CILK1: variants seen among roughly 807,000 people sequenced by gnomAD.
CILK1 encodes ciliogenesis associated kinase 1.
A neutral mutation model predicts 79.2 loss-of-function variants in CILK1; 47 were observed. That is an observed-to-expected ratio of 0.59 (90% confidence interval 0.47 to 0.76). CILK1 has a LOEUF of 0.76. CILK1 is among the 30% of genes least tolerant of loss of function. The pLI is 0.00. For synonymous variants in CILK1, 266 were observed against 275.9 expected (o/e 0.96, Z 0.36); for missense variants, 660 against 769.5 (o/e 0.86, Z 1.68).
intron 5 of CILK1, among the ~76,000 whole-genome samples, chr6:53,024,196 A>G (rs150870881): frequency 3.3e-5 from 5 of 152,342 alleles, no homozygotes; most frequent in Non-Finnish European, 7.3e-5. Flanking sequence ...TACACACCTA[A>G]TGGCCTTCCT....
chr6:53,030,990 T>G (rs781704186), intron 5 of CILK1, 75 bp downstream of exon 5: 15 of 1,041,506 alleles, frequency 1.4e-5, no homozygotes, highest in Non-Finnish European at 2.1e-5. Flanking sequence ...CAAAAAATAT[T>G]AATGTTTCCT....
In CILK1 at chr6:53,052,910, C is replaced by T. The variant is rs555696887; in HGVS notation, c.-173+8686G>A. ...CGTGTGCTCTGCAGCTCACCACAGT[C>T]CCCATTTTTTGCCTGTTGCCACTTG... On this transcript the variant is annotated intron_variant, in intron 1 of 13. Coordinates refer to ENST00000676107, the MANE Select transcript of CILK1 (RefSeq NM_014920.5). Among the ~76,000 whole-genome samples the T allele has an allele frequency of 3.3e-5, 5 of 151,852 alleles. No homozygotes were observed. The East Asian group carries it at 7.7e-4, about 23-fold the overall frequency.
chr6:53,009,842 G>C (rs1764459520), intron 11 of CILK1, among the ~76,000 whole-genome samples: 1 of 152,100 alleles, frequency 6.6e-6, no homozygotes, highest in Non-Finnish European at 1.5e-5. Context: ...CACTGCTGCT[G>C]GACATGCTGT....
At chr6:53,034,231 G>T (rs1766159184) in intron 3 of CILK1, among the ~76,000 whole-genome samples, 1 of 152,202 alleles carries the variant, frequency 6.6e-6, no homozygotes, top group African/African-American at 2.4e-5. Context: ...TCTAGGCAAG[G>T]AGTGGGGTGC....
At chr6:53,011,159 C>T (rs371203675) in intron 11 of CILK1, among the ~76,000 whole-genome samples, 2 of 152,176 alleles carry the variant, frequency 1.3e-5, no homozygotes, top group Non-Finnish European at 2.9e-5. Flanking sequence ...ACCCTGGTTT[C>T]CCTATTGGCC....
Position 53,016,204 on chromosome 6 carries a change from C to A in CILK1, c.710G>T (p.Arg237Leu), listed in dbSNP as rs200711667. 2 of 1,613,886 alleles carry A rather than the reference C, an allele frequency of 1.2e-6. No individual in the cohort carries two copies. Among genetic ancestry groups the A allele is most frequent in the African/African-American group, 1.3e-5 (1 of 74,890 alleles). ...GYQLSSAMNFRWPQCVPNNLK... is the reference protein window; with the variant it reads ...GYQLSSAMNFLWPQCVPNNLK... ...GTTATTGGGTACACACTGTGGCCAA[C>A]GGAAGTTCATTGCACTTGAAAGTTG... is the stretch of plus-strand genomic sequence containing the variant. Residue 237 changes from arginine (R) to leucine (L), a missense_variant, in exon 8 of 14, where the codon CGT becomes CTT. Coordinates refer to ENST00000676107, the MANE Select transcript of CILK1 (RefSeq NM_014920.5).
intron 5 of CILK1, among the ~76,000 whole-genome samples, chr6:53,022,344 T>C (rs1765298928): frequency 6.6e-6 from 1 of 152,182 alleles, no homozygotes; most frequent in Non-Finnish European, 1.5e-5. Flanking sequence ...AGGTGTACCA[T>C]TTTTAAAAAA....
intron 3 of CILK1, among the ~76,000 whole-genome samples, chr6:53,037,676 T>C (rs919528472): frequency 1.3e-5 from 2 of 152,166 alleles, no homozygotes; most frequent in African/African-American, 4.8e-5. Context: ...AAATAGGCAA[T>C]AATAATTCAC....
chr6:53,007,169 C>A (rs1764278837), intron 12 of CILK1, among the ~76,000 whole-genome samples: 1 of 152,090 alleles, frequency 6.6e-6, no homozygotes, highest in South Asian at 2.1e-4. Context: ...GTTATTATTG[C>A]CCGTTATAGA....
chr6:53,042,873 T>C (rs1284782662), intron 1 of CILK1, among the ~76,000 whole-genome samples: 1 of 152,200 alleles, frequency 6.6e-6, no homozygotes, highest in East Asian at 1.9e-4. Context: ...TTGTTAGTAG[T>C]ATTGTGCCAA....
intron 7 of CILK1, among the ~76,000 whole-genome samples, chr6:53,017,781 T>C (rs1228586517): frequency 6.6e-6 from 1 of 151,836 alleles, no homozygotes; most frequent in Non-Finnish European, 1.5e-5. Context: ...ACCGCTTAGA[T>C]GAAGGGAAAG....
In CILK1 at chr6:53,001,711, TG is replaced by T. The variant is rs1354377667; in HGVS notation, c.*3437del. ...TATATAACAGTACAGTACATTTGTT[TG>T]GAAATCGTAAAAATAATTCTACAAA... On this transcript the variant is annotated 3_prime_UTR_variant, in exon 14 of 14. Coordinates refer to ENST00000676107, the MANE Select transcript of CILK1 (RefSeq NM_014920.5). 1 of 152,672 alleles carries T rather than the reference TG, an allele frequency of 6.5e-6. No homozygotes were observed. Among genetic ancestry groups the T allele is most frequent in the African/African-American group, 2.4e-5 (1 of 41,460 alleles). 9.5% of individuals were successfully genotyped at this position (152,672 alleles called of 1,614,324 possible).
intron 11 of CILK1, 116 bp from the exon 12 acceptor site, chr6:53,009,683 T>A: frequency 2.2e-6 from 2 of 889,976 alleles, no homozygotes; most frequent in South Asian, 1.6e-5. Context: ...GATACAATAA[T>A]CAAAGCAAAA....
At chr6:53,033,566 T>C (rs1766111719) in intron 3 of CILK1, among the ~76,000 whole-genome samples, 2 of 152,172 alleles carry the variant, frequency 1.3e-5, no homozygotes, top group South Asian at 4.1e-4. Context: ...GTCTCCTTCA[T>C]GAAAGCCTCC....
intron 1 of CILK1, among the ~76,000 whole-genome samples, chr6:53,043,450 A>G (rs1032426711): frequency 6.6e-6 from 1 of 152,180 alleles, no homozygotes; most frequent in African/African-American, 2.4e-5. Context: ...GCTTTATCAC[A>G]GAATCAAACA....
chr6:53,029,115 C>G (rs1382842842), intron 5 of CILK1, among the ~76,000 whole-genome samples: 1 of 152,116 alleles, frequency 6.6e-6, no homozygotes, highest in Non-Finnish European at 1.5e-5. Flanking sequence ...CCACTCAGTT[C>G]CCAGTACTGA....
intron 8 of CILK1, among the ~76,000 whole-genome samples, chr6:53,015,220 G>A (rs777688967): frequency 6.6e-6 from 1 of 152,164 alleles, no homozygotes; most frequent in Non-Finnish European, 1.5e-5. Context: ...GATCCTCTGA[G>A]CAATGTAATT....
At chr6:53,050,991 A>T (rs1767443908) in intron 1 of CILK1, among the ~76,000 whole-genome samples, 1 of 152,186 alleles carries the variant, frequency 6.6e-6, no homozygotes, top group Admixed American at 6.5e-5. Context: ...AGATCCACAG[A>T]GCTGTGGGTG....
At position 53,031,064 on chromosome 6, in the gene CILK1, C is replaced by T. The variant is rs2127437783; in HGVS notation, c.358+1G>A. 1 of 1,583,142 alleles carries T rather than the reference C, an allele frequency of 6.3e-7. No homozygotes were observed. Among genetic ancestry groups the T allele is most frequent in the Non-Finnish European group, 8.7e-7 (1 of 1,152,004 alleles). On this transcript the variant is annotated splice_donor_variant, in intron 5 of 13. Coordinates refer to ENST00000676107, the MANE Select transcript of CILK1 (RefSeq NM_014920.5). LOFTEE classifies it high-confidence loss of function. ...AAAGCACAACACTCCGAATCACCTA[C>T]CGTGTTTGTGAATAAATGCGAGTCC...
Sources: allele counts gnomAD v4.1 joint callset (sites outside exome capture counted in the v4.1 genomes callset), GRCh38; gene constraint gnomAD v4.1.1; transcripts MANE v1.5; gene names NCBI Gene and HGNC (gene_info 2026-07-23, HGNC 2026-07-21).